Variants in OXNAD1 observed in about 807,000 individuals in gnomAD.
The protein encoded by OXNAD1 is oxidoreductase NAD-binding domain-containing protein 1.
OXNAD1 carries 34 observed loss-of-function variants against 32.9 expected under a neutral mutation model. The observed-to-expected ratio is 1.03, with a 90% CI of 0.79 to 1.38. OXNAD1 has a LOEUF of 1.38. Ranked by LOEUF, OXNAD1 falls within the 40% of genes most tolerant of loss-of-function variation. The pLI is 0.00. For synonymous variants in OXNAD1, 134 were observed against 135.2 expected (o/e 0.99, Z 0.06); for missense variants, 407 against 379.4 (o/e 1.07, Z -0.60).
At chr3:16,324,516 A>G (rs945009121) in intron 9 of OXNAD1, among the ~76,000 whole-genome samples, 13 of 151,924 alleles carry the variant, frequency 8.6e-5, no homozygotes, top group South Asian at 8.3e-4. Flanking sequence ...TCCACGTATG[A>G]GAGAGATTAT....
Position 16,303,457 on chromosome 3 carries a change from T to C in OXNAD1, c.834T>C (p.Thr278=), listed in dbSNP as rs766851304. Residue 278 remains threonine (T), a synonymous_variant, in exon 9 of 9, where the codon ACT becomes ACC. Transcript: ENST00000285083. This position sits in a 1 kb window ranked among gnomAD's most constrained non-coding sequence, Gnocchi z 4.8. ...KEIRDHISKE[T]LFYICGPPPM... is the part of the protein sequence containing the mutation. ...TAAGAGATCATATTTCAAAAGAGAC[T>C]TTGTTCTATATTTGTGGCCCACCTC... The C allele has an allele frequency of 1.2e-6, 2 of 1,614,064 alleles. No individual in the cohort carries two copies. Among genetic ancestry groups the C allele is most frequent in the East Asian group, 2.2e-5 (1 of 44,876 alleles).
At chr3:16,330,791 C>A (rs2070232527) in intron 9 of OXNAD1, among the ~76,000 whole-genome samples, 1 of 152,110 alleles carries the variant, frequency 6.6e-6, no homozygotes, top group Non-Finnish European at 1.5e-5. Flanking sequence ...CTTTCTTTAC[C>A]CTCCAAAAAT....
At position 16,302,839 on chromosome 3, in the gene OXNAD1, C is replaced by A; in HGVS notation, c.784+91C>A. Reference sequence around the variant, plus strand: ...AGCGTAGATGCTTTATTGTTGGAAGCTGCTGGCTGGGAATGTCACTATCTG... The same window carrying A: ...AGCGTAGATGCTTTATTGTTGGAAGATGCTGGCTGGGAATGTCACTATCTG... On this transcript the variant is annotated intron_variant, in intron 8 of 8. Transcript: ENST00000285083. This position sits in a 1 kb window ranked among gnomAD's most constrained non-coding sequence, Gnocchi z 4.2. The A allele has an allele frequency of 2.1e-6, 2 of 954,782 alleles. No homozygotes were observed. Among genetic ancestry groups the A allele is most frequent in the East Asian group, 2.6e-5 (1 of 37,990 alleles). 59.1% of individuals were successfully genotyped at this position (954,782 alleles called of 1,614,324 possible).
rs550820908 is a variant in OXNAD1, at chr3:16,317,293, A to G, written c.*30+13701A>G. The G allele has an allele frequency of 1.6e-4, 249 of 1,563,348 alleles. 1 individual carries two copies. The highest frequency in any genetic ancestry group is 2.7e-5 in the Non-Finnish European group (31 of 1,152,874). On this transcript the variant is annotated intron_variant, in intron 9 of 9. Coordinates refer to the OXNAD1 transcript ENST00000435829. This position sits in a 1 kb window ranked among gnomAD's most constrained non-coding sequence, Gnocchi z 4.3. Reference sequence around the variant, plus strand: ...CTCCGGGAACCCAGAGCTTCACCCAAAGCCTTGTTTGCATTCATACCCACA... The same window carrying G: ...CTCCGGGAACCCAGAGCTTCACCCAGAGCCTTGTTTGCATTCATACCCACA...
chr3:16,271,033 A>G lies in OXNAD1; in HGVS notation c.81A>G (p.Arg27=). The change falls in exon 3 of 9, where the codon AGA becomes AGG. Residue 27 remains arginine (R), a synonymous_variant. Transcript: ENST00000285083. The surrounding 1 kb of genome is among the most constrained non-coding windows in gnomAD (Gnocchi z 4.6). ...GAIRIEAASL[R]LTLSTLRHLT... is the part of the protein sequence containing the mutation. ...TCCGTATTGAGGCTGCGTCACTGAGATTGACACTCAGCACTTTGCGCCACC... is the reference window on the plus strand; with the variant it reads ...TCCGTATTGAGGCTGCGTCACTGAGGTTGACACTCAGCACTTTGCGCCACC... The G allele has an allele frequency of 6.2e-7, 1 of 1,614,166 alleles. No individual in the cohort carries two copies. The highest frequency in any genetic ancestry group is 8.5e-7 in the Non-Finnish European group (1 of 1,180,034).
chr3:16,328,882 T>C (rs1370659286), intron 9 of OXNAD1, among the ~76,000 whole-genome samples: 1 of 152,204 alleles, frequency 6.6e-6, no homozygotes, highest in Admixed American at 6.5e-5. Context: ...CTTTTTCCCA[T>C]CATTCTCCAT....
At position 16,344,920 on chromosome 3, in the gene OXNAD1, C is replaced by G. The variant is rs1399962804; in HGVS notation, c.*31-4256C>G. On this transcript the variant is annotated intron_variant, in intron 9 of 9. Coordinates refer to the OXNAD1 transcript ENST00000606098. The surrounding 1 kb of genome is among the most constrained non-coding windows in gnomAD (Gnocchi z 4.4). Reference sequence around the variant, plus strand: ...CTGATTTAATATACTTCAGTTCTCTCTGGAGAACCATTTGCCCTCTCTTCA... The same window carrying G: ...CTGATTTAATATACTTCAGTTCTCTGTGGAGAACCATTTGCCCTCTCTTCA... Among the ~76,000 whole-genome samples, 1 of 152,228 alleles carries G rather than the reference C, an allele frequency of 6.6e-6. No individual in the cohort carries two copies. Among genetic ancestry groups the G allele is most frequent in the Non-Finnish European group, 1.5e-5 (1 of 68,048 alleles).
chr3:16,275,060 A>C (rs543207260), intron 4 of OXNAD1: 65 of 154,816 alleles, frequency 4.2e-4, no homozygotes, highest in African/African-American at 1.5e-3. Context: ...TTTACTCTGT[A>C]TCATAGTGAC....
At chr3:16,333,245 C>G (rs9815307) in intron 9 of OXNAD1, among the ~76,000 whole-genome samples, 2,159 of 152,276 alleles carry the variant, frequency 0.014, 46 homozygotes, top group African/African-American at 0.049. Context: ...ATGTGTACCA[C>G]AAAAAGGACA....
At chr3:16,333,761 A>T (rs1282921980) in intron 9 of OXNAD1, among the ~76,000 whole-genome samples, 2 of 152,188 alleles carry the variant, frequency 1.3e-5, no homozygotes, top group African/African-American at 2.4e-5. Flanking sequence ...AAAAGAAAAA[A>T]TCCAATAATC....
At chr3:16,324,593 T>C (rs2069468319) in intron 9 of OXNAD1, among the ~76,000 whole-genome samples, 1 of 141,440 alleles carries the variant, frequency 7.1e-6, no homozygotes, top group Admixed American at 7.4e-5. Context: ...ATCCTTGTAA[T>C]AAATAACAGA....
At chr3:16,278,155 T>C (rs1199998825) in intron 4 of OXNAD1, among the ~76,000 whole-genome samples, 1 of 152,244 alleles carries the variant, frequency 6.6e-6, no homozygotes, top group Non-Finnish European at 1.5e-5. Flanking sequence ...TGCCAGACCC[T>C]GGGCCAGATC....
chr3:16,271,824 A>C lies in OXNAD1; in HGVS notation c.183+102A>C. On this transcript the variant is annotated intron_variant, in intron 4 of 8. Coordinates refer to ENST00000285083, the MANE Select transcript of OXNAD1 (RefSeq NM_138381.5). This position sits in a 1 kb window ranked among gnomAD's most constrained non-coding sequence, Gnocchi z 4.6. ...CATTAGATGAGTCTGGTCCTTTTGA[A>C]GGAGAGTTGGGAAGTTTGTTATTTT... 1.0e-6 allele frequency: 1 copy of C among 983,746 alleles called. No homozygotes were observed. The highest frequency in any genetic ancestry group is 1.5e-6 in the Non-Finnish European group (1 of 663,482). 60.9% of individuals were successfully genotyped at this position (983,746 alleles called of 1,614,324 possible). A position where few individuals can be genotyped will look rare whatever the true frequency, so the allele number is the denominator to read the frequency against.
In OXNAD1 at chr3:16,302,744, C is replaced by G. The variant is rs763666289; in HGVS notation, c.780C>G (p.Ile260Met). 3.7e-6 allele frequency: 6 copies of G among 1,603,906 alleles called. No individual in the cohort carries two copies. In the South Asian group the frequency reaches 6.6e-5, roughly 18 times the overall value. The change falls in exon 8 of 9, where the codon ATC becomes ATG. Residue 260 changes from isoleucine (I) to methionine (M), a missense_variant. Physicochemically the swap from Ile to Met is conservative, Grantham distance 10. Transcript: ENST00000285083. This position sits in a 1 kb window ranked among gnomAD's most constrained non-coding sequence, Gnocchi z 4.2. Reference sequence around the variant, plus strand: ...TCAATGCGGAACTCAAGCCATACATCACGGGTGAGTCCCCTAAAGATATTT... The same window carrying G: ...TCAATGCGGAACTCAAGCCATACATGACGGGTGAGTCCCCTAAAGATATTT... ...TQINAELKPY[I>M]TEGRITEKEI...
Position 16,346,230 on chromosome 3 carries a change from T to C in OXNAD1, c.*31-2946T>C, listed in dbSNP as rs1479582604. Reference sequence around the variant, plus strand: ...TTGACTAAATGGAATCAATCCTTCCTGCCTGAATTTCATCCATTCATCATG... The same window carrying C: ...TTGACTAAATGGAATCAATCCTTCCCGCCTGAATTTCATCCATTCATCATG... On this transcript the variant is annotated intron_variant, in intron 9 of 9. Coordinates refer to the OXNAD1 transcript ENST00000606098. The surrounding 1 kb of genome is among the most constrained non-coding windows in gnomAD (Gnocchi z 4.4). The C allele has an allele frequency of 6.6e-6, 1 of 152,232 alleles. No individual in the cohort carries two copies. The highest frequency in any genetic ancestry group is 1.5e-5 in the Non-Finnish European group (1 of 68,036). The allele number at this position is 152,232 out of a possible 1,614,324, so 9.4% of individuals were successfully genotyped here.
Position 16,287,726 on chromosome 3 carries a change from G to A in OXNAD1, c.290+1278G>A, listed in dbSNP as rs1226112031. Among the ~76,000 whole-genome samples the A allele has an allele frequency of 6.6e-6, 1 of 152,192 alleles. No individual in the cohort carries two copies. The highest frequency in any genetic ancestry group is 2.4e-5 in the African/African-American group (1 of 41,456). ...CATTGGTTATTGTGCTGCCACCGTG[G>A]TGTGCCTGCAAGTGTAATGCACTTG... On this transcript the variant is annotated intron_variant, in intron 5 of 8. Transcript: ENST00000285083. The surrounding 1 kb of genome is among the most constrained non-coding windows in gnomAD (Gnocchi z 4.8).
intron 9 of OXNAD1, among the ~76,000 whole-genome samples, chr3:16,328,565 C>G (rs1452779382): frequency 2.6e-5 from 4 of 152,234 alleles, no homozygotes; most frequent in Non-Finnish European, 5.9e-5. Context: ...GGCAGCCTCC[C>G]TTTCCTCCGC....
downstream of OXNAD1, among the ~76,000 whole-genome samples, chr3:16,306,779 T>A (rs1038206484): frequency 3.3e-5 from 5 of 152,230 alleles, no homozygotes; most frequent in African/African-American, 1.2e-4. Flanking sequence ...TCAAGATTTT[T>A]TTTTTGCAAG....
In OXNAD1 at chr3:16,312,993, C is replaced by CA. The variant is rs370200438; in HGVS notation, c.*30+9405dup. The stretch of plus-strand genomic sequence containing the variant: ...CTACGCTTCAGTAGCCAATAAATCT[C>CA]AAAATCTCAGTGGCTCACCTTAGCA... On this transcript the variant is annotated intron_variant, in intron 9 of 9. Coordinates refer to the OXNAD1 transcript ENST00000435829. The surrounding 1 kb of genome is among the most constrained non-coding windows in gnomAD (Gnocchi z 4.7). 2.3e-3 allele frequency among the ~76,000 whole-genome samples: 355 copies of CA among 151,888 alleles called. 1 individual carries two copies. The highest frequency in any genetic ancestry group is 8.3e-3 in the African/African-American group (343 of 41,424).
Sources: gnomAD v4.1 joint callset for allele counts (sites outside exome capture counted in the v4.1 genomes callset) on GRCh38, gnomAD v4.1.1 for gene constraint, Gnocchi (gnomAD v3.1) non-coding constraint, MANE v1.5 for transcripts, NCBI Gene and HGNC (gene_info 2026-07-23, HGNC 2026-07-21) for gene names.